The following MPO variants were observed in gnomAD, a reference collection of about 807,000 sequenced individuals.
MPO encodes myeloperoxidase.
In MPO, 57 loss-of-function variants were observed where a neutral mutation model predicts 69.4. The ratio of observed to expected loss-of-function variants is 0.82; its 90% CI spans 0.66 to 1.02. The LOEUF is 1.02. Ranked by LOEUF, MPO falls within the 50% of genes least tolerant of loss-of-function variation. The pLI is 0.00. For synonymous variants in MPO, 426 were observed against 417.1 expected, an observed-to-expected ratio of 1.02 and a Z score of -0.26; for missense variants, 971 against 1,014.1, an observed-to-expected ratio of 0.96 and a Z score of 0.58.
In MPO at chr17:58,279,835, G is replaced by C. The variant is rs1970491317; in HGVS notation, c.424+4C>G. On this transcript the variant is annotated splice_donor_region_variant and intron_variant, in intron 3 of 11. Coordinates refer to ENST00000225275, the MANE Select transcript of MPO (RefSeq NM_000250.2). ...GGGACCTGGGGTGTGATGGGCAACA[G>C]TACCAGTGACATTGAATGGCCTTCG... The C allele has an allele frequency of 6.2e-7, 1 of 1,613,994 alleles. No individual in the cohort carries two copies.
At position 58,280,422 on chromosome 17, in the gene MPO, G is replaced by A; in HGVS notation, c.192C>T (p.Ser64=). The A allele has an allele frequency of 1.2e-6, 2 of 1,614,106 alleles. No homozygotes were observed. The highest frequency in any genetic ancestry group is 1.7e-6 in the Non-Finnish European group (2 of 1,180,006). Residue 64 remains serine, a synonymous_variant, in exon 2 of 12, where the codon AGC becomes AGT. Transcript: ENST00000225275. ...LGEVDTSLVL[S]SMEEAKQLVD... ...CCAGCTGCTTGGCCTCCTCCATGGA[G>A]CTCAGCACCAACGAGGTGTCCACCT... is the stretch of plus-strand genomic sequence containing the variant.
chr17:58,272,743 C>T lies in MPO; in HGVS notation c.1792+5G>A. ...GCATCAGGGGAGACTCCTGCAGCCC[C>T]TCACCTGGGAGGCCGTGGTCCCTGC... On this transcript the variant is annotated splice_donor_5th_base_variant and intron_variant, in intron 10 of 11. Transcript: ENST00000225275. 6.2e-7 allele frequency: 1 copy of T among 1,613,244 alleles called. No individual in the cohort carries two copies. Among genetic ancestry groups the T allele is most frequent in the Non-Finnish European group, 8.5e-7 (1 of 1,179,700 alleles).
In MPO at chr17:58,271,010, C is replaced by T. The variant is rs1970359218; in HGVS notation, c.2031-147G>A. The T allele has an allele frequency of 2.7e-5, 21 of 789,452 alleles. No homozygotes were observed. In the South Asian group the frequency reaches 3.0e-4, roughly 11 times the overall value. The allele number at this position is 789,452 out of a possible 1,614,324, so 48.9% of individuals were successfully genotyped here. A position where few individuals can be genotyped will look rare whatever the true frequency, so the allele number is the denominator to read the frequency against. ...GAGGGCCCCAGGCCCTTGGGCAGCC[C>T]AGGGGCTTTCACACAAGTGATGCTC... On this transcript the variant is annotated intron_variant, in intron 11 of 11. Coordinates refer to ENST00000225275, the MANE Select transcript of MPO (RefSeq NM_000250.2).
chr17:58,272,954 T>C (rs765994933), intron 9 of MPO, 36 bp from the exon 10 acceptor site: 2 of 1,612,264 alleles, frequency 1.2e-6, no homozygotes, highest in Admixed American at 3.3e-5. Flanking sequence ...GGGAAGTATC[T>C]GGCTCAGTAT....
At chr17:58,274,807 A>G (rs1970415411) in intron 8 of MPO, among the ~76,000 whole-genome samples, 1 of 152,046 alleles carries the variant, frequency 6.6e-6, no homozygotes. Context: ...GCAACAGGGT[A>G]AGACCCTGTA....
chr17:58,271,658 T>C lies in MPO; in HGVS notation c.2027A>G (p.Asp676Gly). 2 of 1,613,716 alleles carry C rather than the reference T, an allele frequency of 1.2e-6. No homozygotes were observed. The highest frequency in any genetic ancestry group is 1.7e-6 in the Non-Finnish European group (2 of 1,180,010). The change falls in exon 11 of 12, where the codon GAT becomes GGT. Residue 676 changes from aspartate to glycine, a missense_variant. By Grantham distance (94) the Asp-to-Gly change is moderately conservative. Transcript: ENST00000225275. The part of the protein sequence containing the change: ...GTQFRKLRDG[D>G]RFWWENEGVF... The stretch of plus-strand genomic sequence containing the variant: ...CACGACGCCTGCCCCTCCTCACCGA[T>C]CACCATCCCGGAGCTTCCTGAACTG...
intron 8 of MPO, among the ~76,000 whole-genome samples, chr17:58,274,048 T>TA (rs1312529240): frequency 6.6e-6 from 1 of 152,260 alleles, no homozygotes; most frequent in African/African-American, 2.4e-5. Context: ...TTTCTGCAAC[T>TA]ATCTTATAAA....
rs775634680 is a variant in MPO, at chr17:58,279,829, G to A, written c.424+10C>T. On this transcript the variant is annotated intron_variant, in intron 3 of 11. Transcript: ENST00000225275. ...GGAGCAGGGACCTGGGGTGTGATGG[G>A]CAACAGTACCAGTGACATTGAATGG... 6.2e-6 allele frequency: 10 copies of A among 1,614,046 alleles called. No homozygotes were observed. In the South Asian group the frequency reaches 9.9e-5, roughly 16 times the overall value.
Position 58,270,909 on chromosome 17 carries a change from G to A in MPO, c.2031-46C>T. 2 of 1,604,112 alleles carry A rather than the reference G, an allele frequency of 1.2e-6. No individual in the cohort carries two copies. The highest frequency in any genetic ancestry group is 1.7e-6 in the Non-Finnish European group (2 of 1,172,772). ...GACACTGTGCCCAAGGATATTCTGG[G>A]CTGGCAGGGCATCGATGGGCTTGTG... On this transcript the variant is annotated intron_variant, in intron 11 of 11. Coordinates refer to ENST00000225275, the MANE Select transcript of MPO (RefSeq NM_000250.2). This position sits in a 1 kb window ranked among gnomAD's most constrained non-coding sequence, Gnocchi z 4.1.
Position 58,272,751 on chromosome 17 carries a change from G to A in MPO, c.1789C>T (p.Pro597Ser), listed in dbSNP as rs1257933668. 17 of 1,613,634 alleles carry A rather than the reference G, an allele frequency of 1.1e-5. No homozygotes were observed. Among genetic ancestry groups the A allele is most frequent in the Non-Finnish European group, 1.4e-5 (17 of 1,179,820 alleles). ...NMQRSRDHGLPGYNAWRRFCG... is the reference protein window; with the variant it reads ...NMQRSRDHGLSGYNAWRRFCG... ...GGAGACTCCTGCAGCCCCTCACCTG[G>A]GAGGCCGTGGTCCCTGCTGCGCTGC... The change falls in exon 10 of 12, where the codon CCA becomes TCA. Residue 597 changes from proline to serine, a missense_variant. Coordinates refer to ENST00000225275, the MANE Select transcript of MPO (RefSeq NM_000250.2).
intron 2 of MPO, 140 bp from the exon 3 acceptor site, chr17:58,280,154 G>A: frequency 8.6e-7 from 1 of 1,165,940 alleles, no homozygotes; most frequent in Admixed American, 2.0e-5. Flanking sequence ...AAAAGGATAT[G>A]GACCTGGGTG....
chr17:58,270,670 TCCA>T lies in MPO; in HGVS notation c.2221_2223del (p.Trp741del), dbSNP rs1970354719. The T allele has an allele frequency of 6.2e-7, 1 of 1,611,990 alleles. No homozygotes were observed. Among genetic ancestry groups the T allele is most frequent in the Non-Finnish European group, 8.5e-7 (1 of 1,179,018 alleles). ...TTACCTGGCCTCTAGGAGGCTTCCC[TCCA>T]GGAAGCCAGGTTCAATGCAGGAAGT... On this transcript the variant is annotated inframe_deletion, in exon 12 of 12. Coordinates refer to ENST00000225275, the MANE Select transcript of MPO (RefSeq NM_000250.2). This position sits in a 1 kb window ranked among gnomAD's most constrained non-coding sequence, Gnocchi z 4.1.
At chr17:58,274,265 T>C in intron 8 of MPO, 1 of 463,336 alleles carries the variant, frequency 2.2e-6, no homozygotes, top group Admixed American at 2.3e-5. Context: ...TATTTTGGAG[T>C]GTAAATGAAT....
chr17:58,273,911 C>T (rs2856865), intron 8 of MPO, among the ~76,000 whole-genome samples: 5 of 152,352 alleles, frequency 3.3e-5, no homozygotes, highest in African/African-American at 1.2e-4. Flanking sequence ...ATTAACCTCT[C>T]TGAGCCTGAG....
rs1415190280 is a variant in MPO at position 58,273,427 on chromosome 17, C to T, written c.1608G>A (p.Arg536=). Residue 536 remains arginine, a synonymous_variant, in exon 9 of 12, where the codon AGG becomes AGA. Coordinates refer to ENST00000225275, the MANE Select transcript of MPO (RefSeq NM_000250.2). ...GGTCCTGCTTACCTTCCAGCACGAC[C>T]CTCCAGGAGGCAAAAAAGACCCTGC... ...PLSRVFFASW[R]VVLEGGIDPI... is the part of the protein sequence containing the mutation. 1 of 1,614,180 alleles carries T rather than the reference C, an allele frequency of 6.2e-7. No homozygotes were observed. The highest frequency in any genetic ancestry group is 2.2e-5 in the East Asian group (1 of 44,870).
At position 58,280,861 on chromosome 17, in the gene MPO, G is replaced by C; in HGVS notation, c.-103C>G. 7.2e-7 allele frequency: 1 copy of C among 1,396,832 alleles called. No homozygotes were observed. The allele number at this position is 1,396,832 out of a possible 1,614,324, so 86.5% of individuals were successfully genotyped here. On this transcript the variant is annotated 5_prime_UTR_variant, in exon 1 of 12. Transcript: ENST00000225275. The stretch of plus-strand genomic sequence containing the variant: ...GACCTCCTTGAGGGAGGGGCTCACT[G>C]CTCTCTTATCCCCTTGCCAGCTGCT...
intron 2 of MPO, 134 bp from the exon 3 acceptor site, chr17:58,280,148 G>T: frequency 8.1e-7 from 1 of 1,228,568 alleles, no homozygotes. Context: ...TTTATAAAAA[G>T]GATATGGACC....
rs1431375147 is a variant in MPO at position 58,275,151 on chromosome 17, C to T, written c.1365+391G>A. On this transcript the variant is annotated intron_variant, in intron 8 of 11. Coordinates refer to ENST00000225275, the MANE Select transcript of MPO (RefSeq NM_000250.2). The surrounding 1 kb of genome is among the most constrained non-coding windows in gnomAD (Gnocchi z 4.1). ...GTGCTGGGATTACAGGCATGAGCCA[C>T]CGCGCCCAGCCCTATAATTTTTTTA... 6.6e-6 allele frequency among the ~76,000 whole-genome samples: 1 copy of T among 152,172 alleles called. No individual in the cohort carries two copies. The highest frequency in any genetic ancestry group is 2.4e-5 in the African/African-American group (1 of 41,430).
In MPO at chr17:58,279,576, C is replaced by T; in HGVS notation, c.495G>A (p.Val165=). The change falls in exon 4 of 12, where the codon GTG becomes GTA. Residue 165 remains valine, a synonymous_variant. Transcript: ENST00000225275. ...SSGCAYQDVG[V]TCPEQDKYRT... Reference sequence around the variant, plus strand: ...GGTATTTGTCCTGCTCCGGGCAAGTCACCCCCACGTCCTGGTAGGCGCAGC... The same window carrying T: ...GGTATTTGTCCTGCTCCGGGCAAGTTACCCCCACGTCCTGGTAGGCGCAGC... 1 of 1,614,166 alleles carries T rather than the reference C, an allele frequency of 6.2e-7. No individual in the cohort carries two copies. Among genetic ancestry groups the T allele is most frequent in the Non-Finnish European group, 8.5e-7 (1 of 1,180,042 alleles).
Sources: gnomAD v4.1 joint callset for allele counts (sites outside exome capture counted in the v4.1 genomes callset) on GRCh38, gnomAD v4.1.1 for gene constraint, Gnocchi (gnomAD v3.1) non-coding constraint, MANE v1.5 for transcripts, NCBI Gene and HGNC (gene_info 2026-07-23, HGNC 2026-07-21) for gene names.